Variants in MTMR3 observed in about 807,000 individuals in gnomAD.
MTMR3 encodes the protein myotubularin related protein 3, also known as phosphatidylinositol-3,5-bisphosphate 3-phosphatase MTMR3.
MTMR3 carries 32 observed loss-of-function variants against 132.4 expected under a neutral mutation model. That is an observed-to-expected ratio of 0.24 (90% CI 0.18 to 0.32). MTMR3 has a LOEUF of 0.32. MTMR3 is among the 10% of genes least tolerant of loss of function. MTMR3 has a pLI of 1.00. For missense variants in MTMR3, 1,216 were observed against 1,489.6 expected, an observed-to-expected ratio of 0.82 and a Z score of 3.02; for synonymous variants, 556 against 550.3, an observed-to-expected ratio of 1.01 and a Z score of -0.14.
At chr22:29,906,241 CATCCGTCTGTCT>C (rs1310248250) in intron 1 of MTMR3, among the ~76,000 whole-genome samples, 15 of 148,096 alleles carry the variant, frequency 1.0e-4, no homozygotes, top group South Asian at 4.2e-4. Flanking sequence ...TTTATCCATC[CATCCGTCTGTCT>C]GTCTGTCTGT....
chr22:30,020,308 C>T lies in MTMR3; in HGVS notation c.2649C>T (p.Ser883=), dbSNP rs748211047. ...GGCTTCCTCAGACCATGGAACCCAG[C>T]CCTTCAGAGACAAGCCTGGTCGAGA... is the stretch of plus-strand genomic sequence containing the variant. ...KDRLPQTMEP[S]PSETSLVERP... Residue 883 remains serine, a synonymous_variant, in exon 17 of 20, where the codon AGC becomes AGT. Transcript: ENST00000401950. 1 of 1,614,206 alleles carries T rather than the reference C, an allele frequency of 6.2e-7. No homozygotes were observed. Among genetic ancestry groups the T allele is most frequent in the Admixed American group, 1.7e-5 (1 of 60,028 alleles).
chr22:30,028,195 T>A lies in MTMR3; in HGVS notation c.*2394T>A, dbSNP rs1028834676. On this transcript the variant is annotated 3_prime_UTR_variant, in exon 20 of 20. Transcript: ENST00000401950. ...CTCGCCTCAAGGCTCCATTTTTAGC[T>A]GCTGCTCTGATTTCAGGGCAGCCAG... is the stretch of plus-strand genomic sequence containing the variant. 2.0e-5 allele frequency: 3 copies of A among 152,372 alleles called. No homozygotes were observed. Among genetic ancestry groups the A allele is most frequent in the Admixed American group, 2.0e-4 (3 of 15,272 alleles). 9.4% of individuals were successfully genotyped at this position (152,372 alleles called of 1,614,324 possible).
At chr22:29,927,915 G>A (rs544664359) in intron 1 of MTMR3, among the ~76,000 whole-genome samples, 5 of 145,952 alleles carry the variant, frequency 3.4e-5, no homozygotes, top group Non-Finnish European at 7.5e-5. Flanking sequence ...ATATTAAAAT[G>A]TAATGCTAAA....
At chr22:29,891,325 A>ATG (rs200697928) in intron 1 of MTMR3, among the ~76,000 whole-genome samples, 7 of 149,080 alleles carry the variant, frequency 4.7e-5, no homozygotes, top group African/African-American at 9.9e-5. Context: ...GTATGTATGT[A>ATG]TGTGTGTGTG....
intron 9 of MTMR3, chr22:30,003,258 C>T (rs1324585651): frequency 1.3e-5 from 4 of 308,134 alleles, no homozygotes; most frequent in Admixed American, 9.2e-5. Flanking sequence ...CAATATCCTT[C>T]TTACATTCTG....
intron 1 of MTMR3, among the ~76,000 whole-genome samples, chr22:29,938,034 A>C (rs940588807): frequency 6.6e-6 from 1 of 152,178 alleles, no homozygotes; most frequent in African/African-American, 2.4e-5. Context: ...AAAAAACCAG[A>C]GTGTGGGCCA....
chr22:30,019,933 G>T lies in MTMR3; in HGVS notation c.2274G>T (p.Trp758Cys). 10 of 1,614,206 alleles carry T rather than the reference G, an allele frequency of 6.2e-6. No individual in the cohort carries two copies. Among genetic ancestry groups the T allele is most frequent in the Non-Finnish European group, 8.5e-6 (10 of 1,180,044 alleles). ...AALRSHLDMS[W>C]PLFSQGISEQ... ...TGAGGAGCCATCTGGATATGAGCTG[G>T]CCTCTGTTCTCACAGGGCATTTCTG... is the stretch of plus-strand genomic sequence containing the variant. The change falls in exon 17 of 20, where the codon TGG (tryptophan) becomes TGT (cysteine). Residue 758 changes from tryptophan to cysteine, a missense_variant. Trp to Cys is a radical substitution (Grantham distance 215). Transcript: ENST00000401950.
At chr22:29,901,175 TTAA>T (rs1263024317) in intron 1 of MTMR3, among the ~76,000 whole-genome samples, 2 of 151,998 alleles carry the variant, frequency 1.3e-5, no homozygotes, top group Admixed American at 1.3e-4. Flanking sequence ...AAGATTGATG[TTAA>T]TATTTATTAC....
intron 1 of MTMR3, among the ~76,000 whole-genome samples, chr22:29,906,855 A>T (rs1364605099): frequency 6.6e-6 from 1 of 151,770 alleles, no homozygotes; most frequent in African/African-American, 2.4e-5. Context: ...AGGCAGATGG[A>T]TCACTTGAGG....
chr22:29,946,021 T>TGTGTGTGTGTGTGTG (rs1602533546), intron 1 of MTMR3, among the ~76,000 whole-genome samples: 1 of 150,780 alleles, frequency 6.6e-6, no homozygotes, highest in African/African-American at 2.4e-5. Context: ...GTGTATATAT[T>TGTGTGTGTGTGTGTG]TGTGTGTGTG....
At position 29,978,923 on chromosome 22, in the gene MTMR3, T is replaced by C; in HGVS notation, c.94-13T>C. The C allele has an allele frequency of 6.3e-7, 1 of 1,592,454 alleles. No homozygotes were observed. Among genetic ancestry groups the C allele is most frequent in the Non-Finnish European group, 8.6e-7 (1 of 1,161,586 alleles). On this transcript the variant is annotated splice_polypyrimidine_tract_variant and intron_variant, in intron 4 of 19. Transcript: ENST00000401950. ...CTGCTTCAGAACTCTGAAGGGTTTCTTTCATTTCGAAGGTTCCTTTCCTTG... is the reference window on the plus strand; with the variant it reads ...CTGCTTCAGAACTCTGAAGGGTTTCCTTCATTTCGAAGGTTCCTTTCCTTG...
rs1205756845 is a variant in MTMR3 at position 30,025,633 on chromosome 22, T to C, written c.3429T>C (p.Asn1143=). Residue 1143 remains asparagine (N), a synonymous_variant, in exon 20 of 20, where the codon AAT becomes AAC. Transcript: ENST00000401950. ...WLASRKHHCR[N]CGNVFCSSCC... ...TTCTGTTTCTTCTCATCTCAAGGAATTGTGGGAACGTATTCTGCTCCAGTT... is the reference window on the plus strand; with the variant it reads ...TTCTGTTTCTTCTCATCTCAAGGAACTGTGGGAACGTATTCTGCTCCAGTT... The C allele has an allele frequency of 6.2e-7, 1 of 1,614,196 alleles. No individual in the cohort carries two copies. Among genetic ancestry groups the C allele is most frequent in the Admixed American group, 1.7e-5 (1 of 60,028 alleles).
chr22:29,952,590 G>A (rs1003849735), intron 1 of MTMR3, among the ~76,000 whole-genome samples: 4 of 152,162 alleles, frequency 2.6e-5, no homozygotes, highest in Admixed American at 1.3e-4. Context: ...AGTTGTGTAA[G>A]GGTAGGAACT....
intron 1 of MTMR3, among the ~76,000 whole-genome samples, chr22:29,942,661 A>G (rs2065879784): frequency 1.3e-5 from 2 of 152,194 alleles, no homozygotes; most frequent in South Asian, 2.1e-4. Flanking sequence ...TCTCTTTCTC[A>G]GGGATGTTCC....
intron 2 of MTMR3, among the ~76,000 whole-genome samples, chr22:29,969,471 C>T (rs2066490979): frequency 6.6e-6 from 1 of 152,078 alleles, no homozygotes; most frequent in Non-Finnish European, 1.5e-5. Context: ...TCTTTTGCCC[C>T]TTACCCCCAG....
intron 1 of MTMR3, among the ~76,000 whole-genome samples, chr22:29,950,684 G>T (rs548498869): frequency 1.1e-3 from 156 of 146,332 alleles, no homozygotes; most frequent in African/African-American, 3.6e-3. Flanking sequence ...TCTTTCAGAT[G>T]GTAAACCTAA....
At chr22:29,927,939 G>GTTTTGT (rs1569008222) in intron 1 of MTMR3, among the ~76,000 whole-genome samples, 21 of 107,366 alleles carry the variant, frequency 2.0e-4, no homozygotes, top group Non-Finnish European at 3.3e-4. Context: ...TCTAGCCTTT[G>GTTTTGT]TTTTTTTTTT....
intron 3 of MTMR3, among the ~76,000 whole-genome samples, chr22:29,977,684 A>C (rs1239865509): frequency 6.6e-6 from 1 of 152,242 alleles, no homozygotes; most frequent in Non-Finnish European, 1.5e-5. Context: ...ACTAATTCAT[A>C]GATAGTCCTG....
At position 30,019,935 on chromosome 22, in the gene MTMR3, C is replaced by T. The variant is rs1194698157; in HGVS notation, c.2276C>T (p.Pro759Leu). The T allele has an allele frequency of 1.9e-6, 3 of 1,614,206 alleles. No homozygotes were observed. The highest frequency in any genetic ancestry group is 1.7e-5 in the Admixed American group (1 of 60,024). The change falls in exon 17 of 20, where the codon CCT (proline) becomes CTT (leucine). Residue 759 changes from proline (P) to leucine (L), a missense_variant. Transcript: ENST00000401950. The part of the protein sequence containing the change: ...ALRSHLDMSW[P>L]LFSQGISEQQ... ...AGGAGCCATCTGGATATGAGCTGGC[C>T]TCTGTTCTCACAGGGCATTTCTGAA...
Sources: allele counts gnomAD v4.1 joint callset (sites outside exome capture counted in the v4.1 genomes callset), GRCh38; gene constraint gnomAD v4.1.1; transcripts MANE v1.5; gene names NCBI Gene and HGNC (gene_info 2026-07-23, HGNC 2026-07-21).